Variants in CNOT4 observed in about 807,000 individuals in gnomAD.
CNOT4 encodes the protein CCR4-associated factor 4.
In CNOT4, 8 loss-of-function variants were observed where a neutral mutation model predicts 73.8. The ratio of observed to expected loss-of-function variants is 0.11; its 90% CI spans 0.06 to 0.20. CNOT4 has a LOEUF of 0.20. Among genes scored for constraint, CNOT4 ranks in the 10% least tolerant of loss-of-function variants. CNOT4 has a pLI of 1.00. For missense variants in CNOT4, 564 were observed against 883.4 expected, an observed-to-expected ratio of 0.64 and a Z score of 4.58; for synonymous variants, 293 against 321.1, an observed-to-expected ratio of 0.91 and a Z score of 0.94.
intron 8 of CNOT4, 118 bp from the exon 9 acceptor site, chr7:135,396,001 T>A (rs1796659872): frequency 3.1e-6 from 2 of 645,944 alleles, no homozygotes; most frequent in Non-Finnish European, 5.4e-6. Flanking sequence ...TACTTGAAGA[T>A]GTTTTAATGA....
At chr7:135,393,640 T>C (rs1161121548) in intron 10 of CNOT4, among the ~76,000 whole-genome samples, 2 of 152,212 alleles carry the variant, frequency 1.3e-5, no homozygotes, top group African/African-American at 2.4e-5. Flanking sequence ...TCTTTTTCAT[T>C]TTGCATTTGT....
At chr7:135,509,446 C>G (rs1438554715) in intron 1 of CNOT4, 2 of 152,722 alleles carry the variant, frequency 1.3e-5, no homozygotes, top group East Asian at 3.9e-4. Context: ...CAGCAGCAGC[C>G]AACACGGATC....
intron 1 of CNOT4, among the ~76,000 whole-genome samples, chr7:135,484,195 AAAAT>A (rs1378922081): frequency 1.3e-5 from 2 of 152,152 alleles, no homozygotes; most frequent in Non-Finnish European, 2.9e-5. Flanking sequence ...ACCTCATCTC[AAAAT>A]AAATAAATTA....
At chr7:135,373,542 G>A (rs1795336550) in intron 10 of CNOT4, among the ~76,000 whole-genome samples, 1 of 152,040 alleles carries the variant, frequency 6.6e-6, no homozygotes, top group South Asian at 2.1e-4. Context: ...GGAAGAAATG[G>A]CAGACTCTGG....
chr7:135,388,237 C>T (rs1563018854), intron 10 of CNOT4: 1 of 984,946 alleles, frequency 1.0e-6, no homozygotes, highest in Non-Finnish European at 1.2e-6. Flanking sequence ...ACAGTTTCTA[C>T]ACATGTAATG....
At chr7:135,413,412 G>T in intron 6 of CNOT4, 76 bp downstream of exon 6, 3 of 1,508,594 alleles carry the variant, frequency 2.0e-6, no homozygotes, top group Admixed American at 2.1e-5. Flanking sequence ...CTTAGTTTTT[G>T]CTTTTGCAAT....
intron 2 of CNOT4, among the ~76,000 whole-genome samples, chr7:135,428,391 C>T (rs1184246285): frequency 6.6e-6 from 1 of 152,118 alleles, no homozygotes; most frequent in East Asian, 1.9e-4. Flanking sequence ...ATATAGCCCA[C>T]AGACTTCAGC....
chr7:135,416,659 G>A (rs377075757), intron 3 of CNOT4, among the ~76,000 whole-genome samples: 1 of 152,294 alleles, frequency 6.6e-6, no homozygotes, highest in Non-Finnish European at 1.5e-5. Flanking sequence ...TCATAGCTAA[G>A]ATACCTGCTC....
At chr7:135,385,398 T>A (rs545165119) in intron 10 of CNOT4, among the ~76,000 whole-genome samples, 1 of 152,342 alleles carries the variant, frequency 6.6e-6, no homozygotes, top group African/African-American at 2.4e-5. Context: ...TCTGAGGCAA[T>A]GCCTCCGTGG....
chr7:135,504,718 T>C (rs1292087810), intron 1 of CNOT4, among the ~76,000 whole-genome samples: 1 of 121,528 alleles, frequency 8.2e-6, no homozygotes, highest in Non-Finnish European at 1.7e-5. Flanking sequence ...GATCTCCTGA[T>C]CTCGTGATCC....
intron 1 of CNOT4, among the ~76,000 whole-genome samples, chr7:135,458,066 TC>T (rs1258107683): frequency 6.6e-6 from 1 of 152,098 alleles, no homozygotes; most frequent in Non-Finnish European, 1.5e-5. Context: ...TAACAAACAC[TC>T]CATGTGTGTT....
At position 135,422,230 on chromosome 7, in the gene CNOT4, A is replaced by G; in HGVS notation, c.298T>C (p.Leu100=). ...KQKISENRKH[L]ASVRVVQKNL... Reference sequence around the variant, plus strand: ...TTTTGTACGACACGTACACTAGCCAAATGTTTGCGATTTTCTGATATTTTC... The same window carrying G: ...TTTTGTACGACACGTACACTAGCCAGATGTTTGCGATTTTCTGATATTTTC... Residue 100 remains leucine, a synonymous_variant, in exon 3 of 12, where the codon TTG becomes CTG. Coordinates refer to ENST00000541284, the MANE Select transcript of CNOT4 (RefSeq NM_001190850.2). 2 of 1,610,414 alleles carry G rather than the reference A, an allele frequency of 1.2e-6. No homozygotes were observed. The highest frequency in any genetic ancestry group is 1.7e-6 in the Non-Finnish European group (2 of 1,176,678).
chr7:135,395,757 A>G lies in CNOT4; in HGVS notation c.1006T>C (p.Leu336=). 6.2e-7 allele frequency: 1 copy of G among 1,614,158 alleles called. No homozygotes were observed. Among genetic ancestry groups the G allele is most frequent in the Non-Finnish European group, 8.5e-7 (1 of 1,180,012 alleles). Residue 336 remains leucine, a synonymous_variant, in exon 9 of 12, where the codon TTA becomes CTA. Transcript: ENST00000541284. ...FEGAVTESQS[L]FSDNFRHPNP... is the part of the protein sequence containing the mutation. Reference sequence around the variant, plus strand: ...GGATGGCGAAAATTGTCTGAGAATAACGACTGTGACTCTGTTACTGCCCCT... The same window carrying G: ...GGATGGCGAAAATTGTCTGAGAATAGCGACTGTGACTCTGTTACTGCCCCT...
intron 2 of CNOT4, among the ~76,000 whole-genome samples, chr7:135,422,864 C>G (rs1176351472): frequency 6.6e-6 from 1 of 152,156 alleles, no homozygotes; most frequent in East Asian, 1.9e-4. Context: ...AGCAATCACA[C>G]TGTTGTGTGA....
chr7:135,473,881 A>G (rs988893278), intron 1 of CNOT4, among the ~76,000 whole-genome samples: 1 of 152,186 alleles, frequency 6.6e-6, no homozygotes, highest in Admixed American at 6.5e-5. Flanking sequence ...CCCCCATCCA[A>G]GAGTAGAATA....
intron 7 of CNOT4, among the ~76,000 whole-genome samples, chr7:135,401,403 T>G (rs1035862640): frequency 9.9e-5 from 15 of 152,202 alleles, no homozygotes; most frequent in African/African-American, 3.6e-4. Flanking sequence ...GTCCCAATGT[T>G]ATCAGATATA....
At position 135,363,818 on chromosome 7, in the gene CNOT4, G is replaced by C; in HGVS notation, c.1840+36C>G. On this transcript the variant is annotated intron_variant, in intron 11 of 11. Transcript: ENST00000541284. The surrounding 1 kb of genome is among the most constrained non-coding windows in gnomAD (Gnocchi z 4.3). ...AATCTGTGCTAAAAACCAAACTGTT[G>C]GCAGTCAGTGTAGCTGAAGGGAGTG... 1 of 1,503,776 alleles carries C rather than the reference G, an allele frequency of 6.6e-7. No individual in the cohort carries two copies. Among genetic ancestry groups the C allele is most frequent in the Non-Finnish European group, 9.0e-7 (1 of 1,110,870 alleles). The allele number at this position is 1,503,776 out of a possible 1,614,324, so 93.2% of individuals were successfully genotyped here.
At chr7:135,498,715 A>G (rs565811550) in intron 1 of CNOT4, among the ~76,000 whole-genome samples, 280 of 152,118 alleles carry the variant, frequency 1.8e-3, no homozygotes, top group African/African-American at 6.5e-3. Flanking sequence ...TGCCCGGCTA[A>G]TTTTTCTATT....
intron 1 of CNOT4, among the ~76,000 whole-genome samples, chr7:135,473,040 CA>C (rs56311752): frequency 0.025 from 3,062 of 122,418 alleles, 102 homozygotes; most frequent in African/African-American, 0.085. Context: ...GACTCTGTCT[CA>C]AAAAAAAAAA....
Sources: gnomAD v4.1 joint callset for allele counts (sites outside exome capture counted in the v4.1 genomes callset) on GRCh38, gnomAD v4.1.1 for gene constraint, Gnocchi (gnomAD v3.1) non-coding constraint, MANE v1.5 for transcripts, NCBI Gene and HGNC (gene_info 2026-07-23, HGNC 2026-07-21) for gene names.